IRAG1: variants seen among roughly 807,000 people sequenced by gnomAD.
IRAG1 encodes the protein inositol 1,4,5-triphosphate receptor associated 1, also known as IP3R-associated cGMP kinase substrate.
IRAG1 carries 62 observed loss-of-function variants against 106.2 expected under a neutral mutation model. The observed-to-expected ratio is 0.58, with a 90% CI of 0.48 to 0.72. The LOEUF is 0.72. Ranked by LOEUF, IRAG1 falls within the 30% of genes least tolerant of loss-of-function variation. The pLI is 0.00. For synonymous variants in IRAG1, 462 were observed against 443.9 expected (o/e 1.04, Z -0.51); for missense variants, 1,064 against 1,140.7 (o/e 0.93, Z 0.97).
At chr11:10,611,601 A>T (rs1854966978) in intron 10 of IRAG1, 1 of 152,216 alleles carries the variant, frequency 6.6e-6, no homozygotes, top group African/African-American at 2.4e-5. Flanking sequence ...AACAAATAAA[A>T]AATACACAAG....
At chr11:10,666,324 G>C (rs773286152) in intron 1 of IRAG1, among the ~76,000 whole-genome samples, 3 of 152,200 alleles carry the variant, frequency 2.0e-5, no homozygotes, top group Non-Finnish European at 4.4e-5. Flanking sequence ...AGCTCAGAAA[G>C]GTGAAGTAAT....
chr11:10,633,302 C>G (rs1450815287), intron 3 of IRAG1, among the ~76,000 whole-genome samples: 1 of 152,114 alleles, frequency 6.6e-6, no homozygotes, highest in African/African-American at 2.4e-5. Context: ...GTCTCGATCT[C>G]CTGACCTCAT....
At chr11:10,586,349 TCTC>T (rs1224017188) in intron 18 of IRAG1, among the ~76,000 whole-genome samples, 2 of 152,036 alleles carry the variant, frequency 1.3e-5, no homozygotes, top group African/African-American at 4.8e-5. Flanking sequence ...TCAAATGCCT[TCTC>T]CTCTGTGAAA....
intron 1 of IRAG1, among the ~76,000 whole-genome samples, chr11:10,691,972 T>C (rs1862091891): frequency 6.6e-6 from 1 of 152,178 alleles, no homozygotes; most frequent in African/African-American, 2.4e-5. Context: ...CATGAGTTAC[T>C]GTATGGGAAG....
intron 18 of IRAG1, among the ~76,000 whole-genome samples, chr11:10,590,932 T>A (rs947429061): frequency 1.3e-5 from 2 of 152,238 alleles, no homozygotes; most frequent in Admixed American, 1.3e-4. Flanking sequence ...AATCCCATAA[T>A]GACAATCCCT....
rs1176799120 is a variant in IRAG1, at chr11:10,574,461, A to C, written c.*1871T>G. The C allele has an allele frequency of 6.6e-6, 1 of 152,152 alleles. No homozygotes were observed. The highest frequency in any genetic ancestry group is 1.5e-5 in the Non-Finnish European group (1 of 68,028). 9.4% of individuals were successfully genotyped at this position (152,152 alleles called of 1,614,324 possible). A position where few individuals can be genotyped will look rare whatever the true frequency, so the allele number is the denominator to read the frequency against. On this transcript the variant is annotated 3_prime_UTR_variant, in exon 21 of 21. Coordinates refer to ENST00000423302, the MANE Select transcript of IRAG1 (RefSeq NM_130385.4). ...AAATGCTAGGGGAGATGGATACATA[A>C]ATAGGCCATGGTATACTATAGGTAA...
Position 10,581,942 on chromosome 11 carries a change from G to T in IRAG1, c.2285C>A (p.Ala762Glu). The T allele has an allele frequency of 1.2e-6, 2 of 1,613,854 alleles. No homozygotes were observed. The highest frequency in any genetic ancestry group is 1.1e-5 in the South Asian group (1 of 91,074). Residue 762 changes from alanine to glutamate, a missense_variant, in exon 19 of 21, where the codon GCG (alanine) becomes GAG (glutamate). Coordinates refer to ENST00000423302, the MANE Select transcript of IRAG1 (RefSeq NM_130385.4). ...GDPDCEASAP[A>E]LTLSCLEELS... ...CTCCTCCAGGCAGCTCAGGGTCAGC[G>T]CAGGAGCAGAGGCTTCACAATCTGG...
chr11:10,617,739 T>C (rs1363464976), intron 10 of IRAG1, among the ~76,000 whole-genome samples: 1 of 152,172 alleles, frequency 6.6e-6, no homozygotes, highest in African/African-American at 2.4e-5. Context: ...TGCAGACAGG[T>C]GCCTGGTGGT....
chr11:10,580,695 G>A, intron 19 of IRAG1, 106 bp from the exon 20 acceptor site: 1 of 1,330,430 alleles, frequency 7.5e-7, no homozygotes, highest in South Asian at 1.4e-5. Context: ...ATAATTATGT[G>A]CTTCCTATGG....
At position 10,659,336 on chromosome 11, in the gene IRAG1, C is replaced by G. The variant is rs1465298200; in HGVS notation, c.68-7154G>C. 3.9e-5 allele frequency among the ~76,000 whole-genome samples: 6 copies of G among 152,280 alleles called. No homozygotes were observed. In the East Asian group the frequency reaches 1.2e-3, roughly 29 times the overall value. ...CCAGGATTCTCTCCTGAAAGTGGAT[C>G]TAGATTGAAGGGAATTGTGCAGGAG... is the stretch of plus-strand genomic sequence containing the variant. On this transcript the variant is annotated intron_variant, in intron 1 of 20. Coordinates refer to ENST00000423302, the MANE Select transcript of IRAG1 (RefSeq NM_130385.4). This position sits in a 1 kb window ranked among gnomAD's most constrained non-coding sequence, Gnocchi z 4.1.
chr11:10,602,694 T>C (rs1854135018), intron 14 of IRAG1, among the ~76,000 whole-genome samples: 1 of 152,232 alleles, frequency 6.6e-6, no homozygotes, highest in African/African-American at 2.4e-5. Context: ...AAGTATGTTT[T>C]GTCAAATACT....
intron 1 of IRAG1, among the ~76,000 whole-genome samples, chr11:10,663,809 A>G (rs1333820917): frequency 6.6e-6 from 1 of 152,232 alleles, no homozygotes; most frequent in Non-Finnish European, 1.5e-5. Flanking sequence ...CACCCAGCAC[A>G]ATGTAGATAC....
Position 10,580,578 on chromosome 11 carries a change from C to T in IRAG1, c.2372G>A (p.Gly791Asp), listed in dbSNP as rs767840327. ...TTGAAGTTCTTTGGTCTTCTTTAGA[C>T]CTTCTTGGAATCTGGGGGGCAAAAA... is the stretch of plus-strand genomic sequence containing the variant. The part of the protein sequence containing the change: ...EEAYSKGFQE[G>D]LKKTKELQDL... Residue 791 changes from glycine (G) to aspartate (D), a missense_variant, in exon 20 of 21, where the codon GGT becomes GAT. By Grantham distance (94) the Gly-to-Asp change is moderately conservative. Coordinates refer to ENST00000423302, the MANE Select transcript of IRAG1 (RefSeq NM_130385.4). 6.2e-6 allele frequency: 10 copies of T among 1,613,108 alleles called. No homozygotes were observed. The East Asian group carries it at 1.6e-4, about 25-fold the overall frequency.
chr11:10,693,235 T>C lies in IRAG1; in HGVS notation c.67+301A>G, dbSNP rs772176477. Among the ~76,000 whole-genome samples, 39 of 152,096 alleles carry C rather than the reference T, an allele frequency of 2.6e-4. 1 individual carries two copies. The highest frequency in any genetic ancestry group is 4.6e-4 in the Admixed American group (7 of 15,274). The stretch of plus-strand genomic sequence containing the variant: ...GCCACAAAGGGGCCCACAGGAAAGC[T>C]AGGGGTTGCAATCGCCTGTCAGGAC... On this transcript the variant is annotated intron_variant, in intron 1 of 20. Transcript: ENST00000423302.
At chr11:10,613,412 T>A (rs919234059) in intron 10 of IRAG1, among the ~76,000 whole-genome samples, 1 of 151,836 alleles carries the variant, frequency 6.6e-6, no homozygotes, top group Non-Finnish European at 1.5e-5. Flanking sequence ...AAGAATTTTG[T>A]AACCACACAA....
At chr11:10,668,411 G>A (rs1859955769) in intron 1 of IRAG1, among the ~76,000 whole-genome samples, 1 of 152,206 alleles carries the variant, frequency 6.6e-6, no homozygotes, top group Non-Finnish European at 1.5e-5. Context: ...CCTATATTAT[G>A]ATGGCATTCC....
chr11:10,622,234 C>T (rs1331176963), intron 10 of IRAG1, among the ~76,000 whole-genome samples: 1 of 152,136 alleles, frequency 6.6e-6, no homozygotes, highest in Admixed American at 6.5e-5. Context: ...TAACCCACTG[C>T]TTTAAGGAAC....
At chr11:10,688,743 G>C (rs1861844460) in intron 1 of IRAG1, among the ~76,000 whole-genome samples, 1 of 152,160 alleles carries the variant, frequency 6.6e-6, no homozygotes, top group African/African-American at 2.4e-5. Flanking sequence ...GGAATGACCT[G>C]ACTCATTTAT....
chr11:10,612,694 A>T (rs1204280202), intron 10 of IRAG1, among the ~76,000 whole-genome samples: 1 of 152,222 alleles, frequency 6.6e-6, no homozygotes, highest in Non-Finnish European at 1.5e-5. Context: ...AATGTGCAAG[A>T]GACAGATGTC....
Sources: gnomAD v4.1 joint callset for allele counts (sites outside exome capture counted in the v4.1 genomes callset) on GRCh38, gnomAD v4.1.1 for gene constraint, Gnocchi (gnomAD v3.1) non-coding constraint, MANE v1.5 for transcripts, NCBI Gene and HGNC (gene_info 2026-07-23, HGNC 2026-07-21) for gene names.